SENP3: variants seen among roughly 807,000 people sequenced by gnomAD.
SENP3 encodes the protein sentrin-specific protease 3.
In SENP3, 11 loss-of-function variants were observed where a neutral mutation model predicts 66.2. That is an observed-to-expected ratio of 0.17 (90% CI 0.10 to 0.28). The LOEUF (loss-of-function observed/expected upper bound fraction) is 0.28. Ranked by LOEUF, SENP3 falls within the 10% of genes least tolerant of loss-of-function variation. The pLI is 1.00. For missense variants in SENP3, 548 were observed against 743.7 expected, an observed-to-expected ratio of 0.74 and a Z score of 3.06; for synonymous variants, 292 against 277.6, an observed-to-expected ratio of 1.05 and a Z score of -0.52.
chr17:7,570,665 T>C lies in SENP3; in HGVS notation c.1480-16T>C. On this transcript the variant is annotated splice_polypyrimidine_tract_variant and intron_variant, in intron 8 of 10. Transcript: ENST00000321337. This position sits in a 1 kb window ranked among gnomAD's most constrained non-coding sequence, Gnocchi z 5.4. Reference sequence around the variant, plus strand: ...AGAAACTTAGGGCATCACTTTCTTTTCCCCCATCCACATAGCATATTGCCA... The same window carrying C: ...AGAAACTTAGGGCATCACTTTCTTTCCCCCCATCCACATAGCATATTGCCA... 6.2e-7 allele frequency: 1 copy of C among 1,609,734 alleles called. No individual in the cohort carries two copies. Among genetic ancestry groups the C allele is most frequent in the Non-Finnish European group, 8.5e-7 (1 of 1,177,782 alleles).
chr17:7,566,034 A>T (rs1033909606), intron 6 of SENP3: 38 of 225,626 alleles, frequency 1.7e-4, no homozygotes, highest in Non-Finnish European at 2.5e-4. Context: ...AACAAGATTT[A>T]AAAAAAAAAA....
chr17:7,568,481 C>T (rs951726552), intron 7 of SENP3, among the ~76,000 whole-genome samples: 4 of 151,908 alleles, frequency 2.6e-5, no homozygotes, highest in African/African-American at 7.3e-5. Context: ...CTGTAGTCCC[C>T]GGGAGGCTGA....
chr17:7,566,092 A>T (rs937956518), intron 6 of SENP3: 3 of 220,712 alleles, frequency 1.4e-5, no homozygotes, highest in African/African-American at 6.9e-5. Context: ...CTGTAATCCC[A>T]GCACTCTGGG....
intron 6 of SENP3, among the ~76,000 whole-genome samples, chr17:7,566,694 G>A (rs1346010534): frequency 6.7e-6 from 1 of 149,192 alleles, no homozygotes; most frequent in East Asian, 2.0e-4. Context: ...AGCCTGGTTT[G>A]TTGACTCATA....
chr17:7,569,522 G>C (rs1477631510), intron 7 of SENP3, among the ~76,000 whole-genome samples: 1 of 152,150 alleles, frequency 6.6e-6, no homozygotes, highest in East Asian at 1.9e-4. Flanking sequence ...GGAGGAAAAT[G>C]AAGAGTTCTT....
rs759950189 is a variant in SENP3, at chr17:7,563,704, A to G, written c.628A>G (p.Arg210Gly). The change falls in exon 2 of 11, where the codon AGA (arginine) becomes GGA (glycine). Residue 210 changes from arginine to glycine, a missense_variant. By Grantham distance (125) the Arg-to-Gly change is moderately radical (BLOSUM62 -2). Transcript: ENST00000321337. ...TGCTCTCATGGCTGAGGATGGGGTG[A>G]GAGGGTCTCCACCAGTGCCCTCTGG... ...LGALMAEDGV[R>G]GSPPVPSGPP... 2.8e-5 allele frequency: 45 copies of G among 1,612,538 alleles called. No individual in the cohort carries two copies. Among genetic ancestry groups the G allele is most frequent in the Middle Eastern group, 1.6e-4 (1 of 6,064 alleles).
chr17:7,569,515 G>A (rs904859151), intron 7 of SENP3, among the ~76,000 whole-genome samples: 1 of 152,140 alleles, frequency 6.6e-6, no homozygotes, highest in Non-Finnish European at 1.5e-5. Flanking sequence ...GGTTGGGGGA[G>A]GAAAATGAAG....
In SENP3 at chr17:7,567,141, A is replaced by AAGGAT. The variant is rs2071275212; in HGVS notation, c.1341+139_1341+143dup. Reference sequence around the variant, plus strand: ...AACGTCTCTTGTGTGTGTAGGCACTAAGGATACAGTGTTAAATAAGGAAAA... The same window carrying AAGGAT: ...AACGTCTCTTGTGTGTGTAGGCACTAAGGATAGGATACAGTGTTAAATAAGGAAAA... On this transcript the variant is annotated intron_variant, in intron 7 of 10. Transcript: ENST00000321337. 8.5e-5 allele frequency: 60 copies of AAGGAT among 706,734 alleles called. No homozygotes were observed. In the East Asian group the frequency reaches 1.6e-3, roughly 19 times the overall value. 43.8% of individuals were successfully genotyped at this position (706,734 alleles called of 1,614,324 possible).
rs58537439 is a variant in SENP3 at position 7,571,837 on chromosome 17, TTATATATA to T, written c.*419_*426del. ...CACTGCCTGCCAGATCTTCAAACTT[TTATATATA>T]TATATATATATATATATATATATAT... is the stretch of plus-strand genomic sequence containing the variant. On this transcript the variant is annotated 3_prime_UTR_variant, in exon 11 of 11. Coordinates refer to ENST00000321337, the MANE Select transcript of SENP3 (RefSeq NM_015670.6). 9 of 30,494 alleles carry T rather than the reference TTATATATA, an allele frequency of 3.0e-4. No individual in the cohort carries two copies. The highest frequency in any genetic ancestry group is 6.8e-4 in the African/African-American group (6 of 8,774). The allele number at this position is 30,494 out of a possible 1,614,324, so 1.9% of individuals were successfully genotyped here.
intron 4 of SENP3, 64 bp from the exon 5 acceptor site, chr17:7,565,376 G>A: frequency 6.3e-7 from 1 of 1,574,806 alleles, no homozygotes; most frequent in Non-Finnish European, 8.7e-7. Context: ...CCAGGGAGTA[G>A]TAGGTATTTC....
chr17:7,571,911 AAATATAT>A lies in SENP3; in HGVS notation c.*431_*437del, dbSNP rs1461639151. 3 of 11,916 alleles carry A rather than the reference AAATATAT, an allele frequency of 2.5e-4. No individual in the cohort carries two copies. Among genetic ancestry groups the A allele is most frequent in the East Asian group, 1.5e-3 (1 of 666 alleles). The allele number at this position is 11,916 out of a possible 1,614,324, so 0.7% of individuals were successfully genotyped here. ...TATATATATATATATATATATATAA[AAATATAT>A]AAATGCCACGGTCCTGCTCTGGTCA... On this transcript the variant is annotated 3_prime_UTR_variant, in exon 11 of 11. Coordinates refer to ENST00000321337, the MANE Select transcript of SENP3 (RefSeq NM_015670.6).
In SENP3 at chr17:7,571,899, AT is replaced by A. The variant is rs2071327081; in HGVS notation, c.*417del. On this transcript the variant is annotated 3_prime_UTR_variant, in exon 11 of 11. Transcript: ENST00000321337. ...TATATATATATATATATATATATAT[AT>A]ATATATATAAAAATATATAAATGCC... is the stretch of plus-strand genomic sequence containing the variant. 10 of 14,390 alleles carry A rather than the reference AT, an allele frequency of 6.9e-4. 2 individuals carry two copies. Among genetic ancestry groups the A allele is most frequent in the South Asian group, 2.4e-3 (1 of 420 alleles). The allele number at this position is 14,390 out of a possible 1,614,324, so 0.9% of individuals were successfully genotyped here.
Position 7,571,495 on chromosome 17 carries a change from C to A in SENP3, c.*12C>A, listed in dbSNP as rs186229805. The A allele has an allele frequency of 1.2e-6, 2 of 1,600,732 alleles. No individual in the cohort carries two copies. The highest frequency in any genetic ancestry group is 1.7e-6 in the Non-Finnish European group (2 of 1,168,232). ...AACTCACTGTGTGAGCCTCGTACCCCAGACCCCAAGCCCATAAATGGGAAG... is the reference window on the plus strand; with the variant it reads ...AACTCACTGTGTGAGCCTCGTACCCAAGACCCCAAGCCCATAAATGGGAAG... On this transcript the variant is annotated 3_prime_UTR_variant, in exon 11 of 11. Coordinates refer to ENST00000321337, the MANE Select transcript of SENP3 (RefSeq NM_015670.6).
In SENP3 at chr17:7,570,803, G is replaced by A. The variant is rs368896401; in HGVS notation, c.1563+39G>A. 14 of 1,602,462 alleles carry A rather than the reference G, an allele frequency of 8.7e-6. No individual in the cohort carries two copies. In the African/African-American group the frequency reaches 1.7e-4, roughly 20 times the overall value. Reference sequence around the variant, plus strand: ...GGGAGGGGTATAGGGTGTTGGTGGGGACAGTGGTAGAAGGCAGAAATTGAA... The same window carrying A: ...GGGAGGGGTATAGGGTGTTGGTGGGAACAGTGGTAGAAGGCAGAAATTGAA... On this transcript the variant is annotated intron_variant, in intron 9 of 10. Transcript: ENST00000321337. The surrounding 1 kb of genome is among the most constrained non-coding windows in gnomAD (Gnocchi z 5.4).
chr17:7,570,320 G>C lies in SENP3; in HGVS notation c.1342-36G>C. 1 of 1,598,828 alleles carries C rather than the reference G, an allele frequency of 6.3e-7. No homozygotes were observed. The highest frequency in any genetic ancestry group is 8.6e-7 in the Non-Finnish European group (1 of 1,167,772). ...CTTCATGGCAAAAGGCAAGACTTCT[G>C]TTTGTTGTACCTGACCTGTGGCACT... On this transcript the variant is annotated intron_variant, in intron 7 of 10. Coordinates refer to ENST00000321337, the MANE Select transcript of SENP3 (RefSeq NM_015670.6). This position sits in a 1 kb window ranked among gnomAD's most constrained non-coding sequence, Gnocchi z 5.4.
Position 7,561,998 on chromosome 17 carries a change from CGGCGGCGGCGGTGGCGCT to C in SENP3, c.-274_-257del. On this transcript the variant is annotated 5_prime_UTR_variant, in exon 1 of 11. Transcript: ENST00000321337. The surrounding 1 kb of genome is among the most constrained non-coding windows in gnomAD (Gnocchi z 4.4). ...GGAAGGAGGAGGGGGGGAGGAGTGGCGGCGGCGGCGGTGGCGCTGGTGGCGGCGGTGGCGGAGGTGGAG... is the reference window on the plus strand; with the variant it reads ...GGAAGGAGGAGGGGGGGAGGAGTGGCGGTGGCGGCGGTGGCGGAGGTGGAG... The C allele has an allele frequency of 2.6e-6, 1 of 390,296 alleles. No homozygotes were observed. Among genetic ancestry groups the C allele is most frequent in the Non-Finnish European group, 4.5e-6 (1 of 221,046 alleles). The allele number at this position is 390,296 out of a possible 1,614,324, so 24.2% of individuals were successfully genotyped here. A position where few individuals can be genotyped will look rare whatever the true frequency, so the allele number is the denominator to read the frequency against.
intron 7 of SENP3, among the ~76,000 whole-genome samples, chr17:7,567,298 C>T (rs1027607505): frequency 1.3e-5 from 2 of 152,170 alleles, no homozygotes; most frequent in Admixed American, 1.3e-4. Flanking sequence ...GGGCGGATCA[C>T]CTGAGGTCAG....
rs1233808719 is a variant in SENP3, at chr17:7,566,998, C to T, written c.1335C>T (p.Thr445=). 8 of 1,559,822 alleles carry T rather than the reference C, an allele frequency of 5.1e-6. No homozygotes were observed. The Admixed American group carries it at 1.5e-4, about 30-fold the overall frequency. Residue 445 remains threonine (T), a synonymous_variant, in exon 7 of 11, where the codon ACC becomes ACT. Coordinates refer to ENST00000321337, the MANE Select transcript of SENP3 (RefSeq NM_015670.6). ...TKGYDGVKRW[T]KNVDIFNKEL... The stretch of plus-strand genomic sequence containing the variant: ...GTTATGATGGGGTGAAAAGGTGGAC[C>T]AAAAACGTGAGTTTTGAATTCACAT...
intron 2 of SENP3, 26 bp downstream of exon 2, chr17:7,563,817 T>TG: frequency 1.6e-4 from 142 of 903,416 alleles, no homozygotes; most frequent in Non-Finnish European, 2.1e-4. Context: ...GGTGTGGGGT[T>TG]GCGGGGGAGG....
Sources: gnomAD v4.1 joint callset for allele counts (sites outside exome capture counted in the v4.1 genomes callset) on GRCh38, gnomAD v4.1.1 for gene constraint, Gnocchi (gnomAD v3.1) non-coding constraint, MANE v1.5 for transcripts, NCBI Gene and HGNC (gene_info 2026-07-23, HGNC 2026-07-21) for gene names.